The following ITPRID2 variants were observed in gnomAD, a reference collection of about 807,000 sequenced individuals.
ITPRID2 encodes the protein protein ITPRID2.
A neutral mutation model predicts 124.3 loss-of-function variants in ITPRID2; 60 were observed. The observed-to-expected ratio is 0.48, with a 90% CI of 0.39 to 0.60. The LOEUF is 0.60. ITPRID2 is among the 20% of genes least tolerant of loss of function. The pLI is 0.00. For synonymous variants in ITPRID2, 521 were observed against 542.9 expected, an observed-to-expected ratio of 0.96 and a Z score of 0.56; for missense variants, 1,553 against 1,512.2, an observed-to-expected ratio of 1.03 and a Z score of -0.45.
Position 181,915,294 on chromosome 2 carries a change from G to T in ITPRID2, c.1654G>T (p.Asp552Tyr), listed in dbSNP as rs1458615001. 6.2e-7 allele frequency: 1 copy of T among 1,614,062 alleles called. No homozygotes were observed. Among genetic ancestry groups the T allele is most frequent in the Non-Finnish European group, 8.5e-7 (1 of 1,180,046 alleles). ...GACAACAGTTACGTCACTTGGTGAA[G>T]ACCTTGCCACACCAACAGCACAAGA... is the stretch of plus-strand genomic sequence containing the variant. ...SETTVTSLGE[D>Y]LATPTAQDQP... The change falls in exon 11 of 18, where the codon GAC (aspartate) becomes TAC (tyrosine). Residue 552 changes from aspartate to tyrosine, a missense_variant. Physicochemically the swap from Asp to Tyr is radical, Grantham distance 160 (BLOSUM62 -3). Coordinates refer to ENST00000431877, the MANE Select transcript of ITPRID2 (RefSeq NM_001130445.3).
rs1018074379 is a variant in ITPRID2, at chr2:181,901,637, A to G, written c.713-129A>G. ...GAAGGTTTAAGTGTTAGATGAGGAA[A>G]AAATAGGGTTTTATAATCTTTGTGA... On this transcript the variant is annotated intron_variant, in intron 7 of 17. Transcript: ENST00000431877. 2.5e-4 allele frequency: 173 copies of G among 688,938 alleles called. 3 individuals are homozygous for G. The East Asian group carries it at 5.6e-3, about 22-fold the overall frequency. The allele number at this position is 688,938 out of a possible 1,614,324, so 42.7% of individuals were successfully genotyped here.
chr2:181,915,143 T>C, intron 10 of ITPRID2, 73 bp from the exon 11 acceptor site: 2 of 1,486,320 alleles, frequency 1.3e-6, no homozygotes, highest in Non-Finnish European at 1.8e-6. Context: ...AGAAGCACCA[T>C]GTTGGTTTGG....
rs1693065422 is a variant in ITPRID2, at chr2:181,905,842, T to C, written c.1413+3376T>C. ...AAATAATCCCACATCAGTCAGATAT[T>C]TGACAGATAATTAAGTTGTTCCTTT... On this transcript the variant is annotated intron_variant, in intron 8 of 17. Transcript: ENST00000431877. This position sits in a 1 kb window ranked among gnomAD's most constrained non-coding sequence, Gnocchi z 4.1. Among the ~76,000 whole-genome samples, 1 of 152,204 alleles carries C rather than the reference T, an allele frequency of 6.6e-6. No individual in the cohort carries two copies. The highest frequency in any genetic ancestry group is 1.5e-5 in the Non-Finnish European group (1 of 68,028).
In ITPRID2 at chr2:181,915,466, A is replaced by G; in HGVS notation, c.1826A>G (p.Gln609Arg). 1.9e-6 allele frequency: 3 copies of G among 1,614,260 alleles called. No individual in the cohort carries two copies. In the African/African-American group the frequency reaches 4.0e-5, roughly 22 times the overall value. The change falls in exon 11 of 18, where the codon CAG (glutamine) becomes CGG (arginine). Residue 609 changes from glutamine (Q) to arginine (R), a missense_variant. By Grantham distance (43) the Gln-to-Arg change is conservative. Coordinates refer to ENST00000431877, the MANE Select transcript of ITPRID2 (RefSeq NM_001130445.3). ...CNTIENTGTK[Q>R]STCSPGDHII... ...ACCATTGAGAATACAGGAACTAAAC[A>G]GTCCACCTGTAGTCCAGGGGATCAT...
Position 181,922,117 on chromosome 2 carries a change from C to A in ITPRID2, c.3380C>A (p.Thr1127Asn). Residue 1127 changes from threonine (T) to asparagine (N), a missense_variant, in exon 16 of 18, where the codon ACT (threonine) becomes AAT (asparagine). Transcript: ENST00000431877. ...GGTCCCTCTCATGCTAACAGAAGAACTGGAGTACCTTCTACTGCCTCAGTG... is the reference window on the plus strand; with the variant it reads ...GGTCCCTCTCATGCTAACAGAAGAAATGGAGTACCTTCTACTGCCTCAGTG... ...CSGPSHANRR[T>N]GVPSTASVGK... 1 of 1,614,236 alleles carries A rather than the reference C, an allele frequency of 6.2e-7. No homozygotes were observed. Among genetic ancestry groups the A allele is most frequent in the Non-Finnish European group, 8.5e-7 (1 of 1,180,042 alleles).
At chr2:181,900,347 ATTC>A (rs1241108458) in intron 6 of ITPRID2, among the ~76,000 whole-genome samples, 1 of 152,194 alleles carries the variant, frequency 6.6e-6, no homozygotes, top group African/African-American at 2.4e-5. Flanking sequence ...TTCATTCCTT[ATTC>A]TTCATCATCT....
intron 8 of ITPRID2, among the ~76,000 whole-genome samples, chr2:181,909,441 T>C (rs951327798): frequency 1.3e-5 from 2 of 152,232 alleles, no homozygotes; most frequent in African/African-American, 4.8e-5. Flanking sequence ...TTTACCCTAC[T>C]TTGAAGTTTA....
chr2:181,915,932 C>CA lies in ITPRID2; in HGVS notation c.2293dup (p.Arg765LysfsTer10). 6.2e-7 allele frequency: 1 copy of CA among 1,614,136 alleles called. No homozygotes were observed. The highest frequency in any genetic ancestry group is 8.5e-7 in the Non-Finnish European group (1 of 1,180,034). Reference sequence around the variant, plus strand: ...TTCGATTATCTCCAGGAAAAGAGACCAGATGCAGCCCACCTTCCTTCACCT... The same window carrying CA: ...TTCGATTATCTCCAGGAAAAGAGACCAAGATGCAGCCCACCTTCCTTCACCT... On this transcript the variant is annotated frameshift_variant, in exon 11 of 18. Coordinates refer to ENST00000431877, the MANE Select transcript of ITPRID2 (RefSeq NM_001130445.3). LOFTEE classifies it high-confidence loss of function.
In ITPRID2 at chr2:181,902,094, G is replaced by C. The variant is rs1692714025; in HGVS notation, c.1041G>C (p.Met347Ile). The change falls in exon 8 of 18, where the codon ATG (methionine) becomes ATC (isoleucine). Residue 347 changes from methionine (M) to isoleucine (I), a missense_variant. Transcript: ENST00000431877. The surrounding 1 kb of genome is among the most constrained non-coding windows in gnomAD (Gnocchi z 4.4). ...NKNDQKSQKI[M>I]KKKESSSMLA... ...ACGATCAAAAGTCTCAAAAAATTAT[G>C]AAGAAGAAAGAGTCATCTTCTATGT... The C allele has an allele frequency of 1.2e-6, 2 of 1,610,798 alleles. No homozygotes were observed. Among genetic ancestry groups the C allele is most frequent in the East Asian group, 4.5e-5 (2 of 44,834 alleles).
chr2:181,906,745 A>G (rs924404159), intron 8 of ITPRID2, among the ~76,000 whole-genome samples: 1 of 150,374 alleles, frequency 6.7e-6, no homozygotes, highest in Non-Finnish European at 1.5e-5. Context: ...TTTCAAAAAA[A>G]TGAAATAAAA....
Position 181,910,462 on chromosome 2 carries a change from C to T in ITPRID2, c.1486+491C>T, listed in dbSNP as rs1239163030. On this transcript the variant is annotated intron_variant, in intron 9 of 17. Coordinates refer to ENST00000431877, the MANE Select transcript of ITPRID2 (RefSeq NM_001130445.3). This position sits in a 1 kb window ranked among gnomAD's most constrained non-coding sequence, Gnocchi z 4.1. Reference sequence around the variant, plus strand: ...GGTCGAAGGTGAGTGGTTGTAGATACTGTTCCTCTCTTAAATTATTAATTA... The same window carrying T: ...GGTCGAAGGTGAGTGGTTGTAGATATTGTTCCTCTCTTAAATTATTAATTA... 4 of 570,536 alleles carry T rather than the reference C, an allele frequency of 7.0e-6. No homozygotes were observed. The highest frequency in any genetic ancestry group is 1.3e-5 in the Non-Finnish European group (4 of 318,952). The allele number at this position is 570,536 out of a possible 1,614,324, so 35.3% of individuals were successfully genotyped here.
Position 181,922,393 on chromosome 2 carries a change from T to G in ITPRID2, c.3656T>G (p.Leu1219Trp). The change falls in exon 16 of 18, where the codon TTG becomes TGG. Residue 1219 changes from leucine (L) to tryptophan (W), a missense_variant. Transcript: ENST00000431877. ...EMHKNVEQDE[L>W]QQVIREIKES... ...CATAAAAATGTGGAGCAAGATGAGTTGCAGCAAGTCATACGGGAGGTGGGT... is the reference window on the plus strand; with the variant it reads ...CATAAAAATGTGGAGCAAGATGAGTGGCAGCAAGTCATACGGGAGGTGGGT... 1 of 1,612,192 alleles carries G rather than the reference T, an allele frequency of 6.2e-7. No individual in the cohort carries two copies. Among genetic ancestry groups the G allele is most frequent in the Non-Finnish European group, 8.5e-7 (1 of 1,178,798 alleles).
Position 181,915,773 on chromosome 2 carries a change from G to A in ITPRID2, c.2133G>A (p.Gly711=), listed in dbSNP as rs1483813610. Residue 711 remains glycine (G), a synonymous_variant, in exon 11 of 18, where the codon GGG becomes GGA. Transcript: ENST00000431877. ...KVCSLSNQRM[G]RSLLKSKDLL... is the part of the protein sequence containing the mutation. Reference sequence around the variant, plus strand: ...GCAGTCTGTCTAATCAAAGGATGGGGCGTAGCCTGCTAAAATCAAAAGATT... The same window carrying A: ...GCAGTCTGTCTAATCAAAGGATGGGACGTAGCCTGCTAAAATCAAAAGATT... 2 of 1,614,018 alleles carry A rather than the reference G, an allele frequency of 1.2e-6. No homozygotes were observed. The highest frequency in any genetic ancestry group is 1.3e-5 in the African/African-American group (1 of 74,930).
rs986300715 is a variant in ITPRID2, at chr2:181,930,247, A to G, written c.*700A>G. 3 of 152,506 alleles carry G rather than the reference A, an allele frequency of 2.0e-5. No individual in the cohort carries two copies. The highest frequency in any genetic ancestry group is 4.4e-5 in the Non-Finnish European group (3 of 67,956). The allele number at this position is 152,506 out of a possible 1,614,324, so 9.4% of individuals were successfully genotyped here. ...AACACTATGTACTTTTACTTTTTGC[A>G]TTGTCCAGACTTCTTTATTAGATGG... On this transcript the variant is annotated 3_prime_UTR_variant, in exon 18 of 18. Transcript: ENST00000431877.
intron 6 of ITPRID2, 31 bp from the exon 7 acceptor site, chr2:181,900,665 A>T (rs769109387): frequency 1.1e-5 from 16 of 1,461,594 alleles, no homozygotes; most frequent in Non-Finnish European, 1.4e-5. Flanking sequence ...TTATATTTTC[A>T]TGTTTCCTTT....
At chr2:181,926,574 G>A (rs1430944700) in intron 16 of ITPRID2, among the ~76,000 whole-genome samples, 3 of 151,926 alleles carry the variant, frequency 2.0e-5, no homozygotes, top group Non-Finnish European at 4.4e-5. Context: ...TTAGCCGGGC[G>A]TGGTGGCGGG....
chr2:181,892,758 C>T lies in ITPRID2; in HGVS notation c.257+98C>T. The T allele has an allele frequency of 7.0e-7, 1 of 1,429,370 alleles. No homozygotes were observed. Among genetic ancestry groups the T allele is most frequent in the Non-Finnish European group, 9.8e-7 (1 of 1,020,194 alleles). The allele number at this position is 1,429,370 out of a possible 1,614,324, so 88.5% of individuals were successfully genotyped here. A position where few individuals can be genotyped will look rare whatever the true frequency, so the allele number is the denominator to read the frequency against. On this transcript the variant is annotated intron_variant, in intron 2 of 17. Coordinates refer to ENST00000431877, the MANE Select transcript of ITPRID2 (RefSeq NM_001130445.3). The surrounding 1 kb of genome is among the most constrained non-coding windows in gnomAD (Gnocchi z 5.2). ...GGCCGCGTCCCTGTGGGTCCCGCGA[C>T]CGTTGTAAGCTACAAACCGGAAAGT...
At chr2:181,913,059 G>GTATT (rs1030449462) in intron 9 of ITPRID2, among the ~76,000 whole-genome samples, 6 of 151,586 alleles carry the variant, frequency 4.0e-5, no homozygotes, top group Admixed American at 6.6e-5. Context: ...GGCCTTAATT[G>GTATT]TATTTATTTA....
At chr2:181,920,772 A>T in intron 15 of ITPRID2, 110 bp downstream of exon 15, 1 of 853,394 alleles carries the variant, frequency 1.2e-6, no homozygotes, top group South Asian at 1.7e-5. Flanking sequence ...ACATAATTTG[A>T]TAAATTATTG....
Sources: allele counts gnomAD v4.1 joint callset (sites outside exome capture counted in the v4.1 genomes callset), GRCh38; gene constraint gnomAD v4.1.1; non-coding constraint Gnocchi (gnomAD v3.1); transcripts MANE v1.5; gene names NCBI Gene and HGNC (gene_info 2026-07-23, HGNC 2026-07-21).